Variants in HDAC9 observed in about 807,000 individuals in gnomAD.
HDAC9 encodes histone deacetylase 9.
A neutral mutation model predicts 139.4 loss-of-function variants in HDAC9; 41 were observed. The observed-to-expected ratio is 0.29, with a 90% CI of 0.23 to 0.38. The LOEUF (loss-of-function observed/expected upper bound fraction) is 0.38. Among genes scored for constraint, HDAC9 ranks in the 10% least tolerant of loss-of-function variants. HDAC9 has a pLI of 1.00. For missense variants in HDAC9, 1,147 were observed against 1,297.0 expected (o/e 0.88, Z 1.78); for synonymous variants, 517 against 476.2 (o/e 1.09, Z -1.12).
At chr7:18,197,015 A>C (rs993235677) in intron 2 of HDAC9, among the ~76,000 whole-genome samples, 19 of 152,182 alleles carry the variant, frequency 1.2e-4, no homozygotes, top group African/African-American at 4.6e-4. Flanking sequence ...TTTAATGGGG[A>C]TGGGCCTCAT....
chr7:18,115,014 G>A lies in HDAC9; in HGVS notation c.-97+27801G>A, dbSNP rs1446624959. 7.2e-5 allele frequency among the ~76,000 whole-genome samples: 11 copies of A among 152,240 alleles called. No individual in the cohort carries two copies. The East Asian group carries it at 1.4e-3, about 19-fold the overall frequency. ...ATATTTCTAAAAAATTCATATGTCC[G>A]GGCACAGTGGCTCATGCCTGTAATC... is the stretch of plus-strand genomic sequence containing the variant. On this transcript the variant is annotated intron_variant, in intron 1 of 12. Transcript: ENST00000417496.
chr7:18,905,850 G>GTTTC (rs148148225), intron 22 of HDAC9, among the ~76,000 whole-genome samples: 20 of 150,712 alleles, frequency 1.3e-4, no homozygotes, highest in East Asian at 7.9e-4. Flanking sequence ...ATGCTGAATA[G>GTTTC]TTTCTTTCTT....
chr7:18,801,666 C>T (rs6948023), intron 17 of HDAC9, among the ~76,000 whole-genome samples: 59,875 of 151,774 alleles, frequency 0.39, 13,568 homozygotes, highest in African/African-American at 0.63. Flanking sequence ...AATTTGTTTT[C>T]TCAACGTTTG....
intron 22 of HDAC9, among the ~76,000 whole-genome samples, chr7:18,908,969 G>A (rs1802510123): frequency 6.6e-6 from 1 of 151,918 alleles, no homozygotes; most frequent in Admixed American, 6.6e-5. Context: ...TTGGCTTTTT[G>A]AGGACCCTCC....
chr7:18,700,930 A>G (rs115543502), intron 12 of HDAC9, among the ~76,000 whole-genome samples: 2 of 152,222 alleles, frequency 1.3e-5, no homozygotes, highest in African/African-American at 4.8e-5. Flanking sequence ...CAGGGTTATC[A>G]TGGGAGGGAG....
chr7:18,699,481 G>A (rs183325), intron 12 of HDAC9, among the ~76,000 whole-genome samples: 11,986 of 152,132 alleles, frequency 0.079, 1,396 homozygotes, highest in African/African-American at 0.25. Context: ...GAATTCCTTA[G>A]TGCAAATAAG....
chr7:18,404,958 C>G (rs1299533174), intron 1 of HDAC9, among the ~76,000 whole-genome samples: 3 of 152,194 alleles, frequency 2.0e-5, no homozygotes, highest in Non-Finnish European at 4.4e-5. Context: ...GACGCCATCC[C>G]ATTGCAGGGT....
At chr7:18,562,995 C>T (rs894315947) in intron 2 of HDAC9, among the ~76,000 whole-genome samples, 5 of 151,948 alleles carry the variant, frequency 3.3e-5, no homozygotes, top group African/African-American at 4.8e-5. Context: ...TTTTGTTCTT[C>T]TTGATGTAGG....
chr7:18,378,381 A>G (rs1161869520), intron 1 of HDAC9, among the ~76,000 whole-genome samples: 3 of 152,014 alleles, frequency 2.0e-5, no homozygotes, highest in Non-Finnish European at 4.4e-5. Context: ...AATAAATTAT[A>G]TAAAAAACTT....
intron 1 of HDAC9, among the ~76,000 whole-genome samples, chr7:18,486,780 G>GA (rs1330280720): frequency 2.6e-5 from 4 of 151,952 alleles, no homozygotes; most frequent in Non-Finnish European, 5.9e-5. Flanking sequence ...ATTTCGTCCA[G>GA]AAAAAATATT....
In HDAC9 at chr7:18,776,430, T is replaced by C. The variant is rs551915775; in HGVS notation, c.2214+9275T>C. Among the ~76,000 whole-genome samples the C allele has an allele frequency of 2.1e-4, 32 of 152,236 alleles. No individual in the cohort carries two copies. In the South Asian group the frequency reaches 6.2e-3, roughly 30 times the overall value. ...GACAGAATTCATTTGCTCACTTATT[T>C]AGTAATTTATTTATACAGCAAATGC... On this transcript the variant is annotated intron_variant, in intron 16 of 25. Transcript: ENST00000686413.
chr7:18,991,127 T>A (rs541614223), intron 25 of HDAC9, among the ~76,000 whole-genome samples: 160 of 152,354 alleles, frequency 1.1e-3, no homozygotes, highest in African/African-American at 3.4e-3. Context: ...TTATCATACT[T>A]GTAAAGAGCA....
intron 1 of HDAC9, among the ~76,000 whole-genome samples, chr7:18,399,948 G>A (rs1292366797): frequency 6.6e-6 from 1 of 152,210 alleles, no homozygotes; most frequent in Admixed American, 6.5e-5. Context: ...TGCTTAGGAG[G>A]TCACAGAACC....
At chr7:18,131,769 C>T (rs544837511) in intron 1 of HDAC9, among the ~76,000 whole-genome samples, 74 of 152,194 alleles carry the variant, frequency 4.9e-4, no homozygotes, top group African/African-American at 1.5e-3. Flanking sequence ...GGGTTTTAGA[C>T]GCACACTCCC....
chr7:18,229,907 G>T (rs1230615219), intron 2 of HDAC9, among the ~76,000 whole-genome samples: 1 of 152,056 alleles, frequency 6.6e-6, no homozygotes, highest in Non-Finnish European at 1.5e-5. Flanking sequence ...TTACAGCAAA[G>T]ATATTTAACT....
intron 22 of HDAC9, among the ~76,000 whole-genome samples, chr7:18,876,905 T>C (rs1158000941): frequency 6.6e-6 from 1 of 152,042 alleles, no homozygotes; most frequent in Non-Finnish European, 1.5e-5. Flanking sequence ...TTTCATCATG[T>C]TGGTCAGGCT....
At chr7:18,802,412 G>T (rs968692797) in intron 17 of HDAC9, among the ~76,000 whole-genome samples, 1 of 151,800 alleles carries the variant, frequency 6.6e-6, no homozygotes, top group Admixed American at 6.6e-5. Flanking sequence ...TATGAGACCC[G>T]CTTTATTGAC....
intron 11 of HDAC9, among the ~76,000 whole-genome samples, chr7:18,652,200 C>G (rs564685488): frequency 1.3e-5 from 2 of 152,140 alleles, no homozygotes; most frequent in Admixed American, 6.5e-5. Context: ...TTCAAAAAAT[C>G]AAGAGTTTCT....
At chr7:18,760,172 C>A (rs933876061) in intron 14 of HDAC9, among the ~76,000 whole-genome samples, 1 of 152,156 alleles carries the variant, frequency 6.6e-6, no homozygotes, top group Non-Finnish European at 1.5e-5. Context: ...GTTCATTATT[C>A]TGCCAGAATT....
Sources: gnomAD v4.1 joint callset for allele counts (sites outside exome capture counted in the v4.1 genomes callset) on GRCh38, gnomAD v4.1.1 for gene constraint, MANE v1.5 for transcripts, NCBI Gene and HGNC (gene_info 2026-07-23, HGNC 2026-07-21) for gene names.